PCDH7: variants seen among roughly 807,000 people sequenced by gnomAD.
PCDH7 encodes the protein protocadherin 7.
PCDH7 carries 17 observed loss-of-function variants against 58.9 expected under a neutral mutation model. That is an observed-to-expected ratio of 0.29 (90% CI 0.20 to 0.43). The LOEUF is 0.43. Among genes scored for constraint, PCDH7 ranks in the 20% least tolerant of loss-of-function variants. The pLI is 1.00. For synonymous variants in PCDH7, 664 were observed against 616.4 expected (o/e 1.08, Z -1.14); for missense variants, 1,274 against 1,441.0 (o/e 0.88, Z 1.88).
chr4:31,103,492 G>A (rs760125420), intron 3 of PCDH7, among the ~76,000 whole-genome samples: 6 of 151,840 alleles, frequency 4.0e-5, no homozygotes, highest in Non-Finnish European at 7.4e-5. Context: ...ATGCCACCAA[G>A]GCTAGCCAAT....
intron 1 of PCDH7, among the ~76,000 whole-genome samples, chr4:30,873,031 T>C (rs1175977350): frequency 6.6e-6 from 1 of 152,148 alleles, no homozygotes; most frequent in Non-Finnish European, 1.5e-5. Flanking sequence ...TTATTTTTGC[T>C]GAATTTATGT....
intron 3 of PCDH7, among the ~76,000 whole-genome samples, chr4:31,115,104 T>G (rs1220502304): frequency 6.6e-6 from 1 of 152,168 alleles, no homozygotes; most frequent in African/African-American, 2.4e-5. Flanking sequence ...TTTCGCTTAC[T>G]GAAAATCTAC....
At chr4:30,746,550 T>C (rs1717804151) in intron 1 of PCDH7, among the ~76,000 whole-genome samples, 1 of 152,208 alleles carries the variant, frequency 6.6e-6, no homozygotes, top group Non-Finnish European at 1.5e-5. Context: ...GTCTTTATTT[T>C]TGGTGGCTAT....
chr4:31,013,345 C>A (rs1392070235), intron 3 of PCDH7, among the ~76,000 whole-genome samples: 1 of 137,662 alleles, frequency 7.3e-6, no homozygotes, highest in South Asian at 2.7e-4. Context: ...TACTATATAT[C>A]TGTGTATGTA....
At chr4:30,876,128 G>T (rs958223256) in intron 1 of PCDH7, among the ~76,000 whole-genome samples, 1 of 151,960 alleles carries the variant, frequency 6.6e-6, no homozygotes, top group Middle Eastern at 3.2e-3. Flanking sequence ...CCTAATTCCT[G>T]GCCACTCACA....
intron 1 of PCDH7, among the ~76,000 whole-genome samples, chr4:30,751,620 T>C (rs1191263831): frequency 6.6e-6 from 1 of 151,922 alleles, no homozygotes; most frequent in Non-Finnish European, 1.5e-5. Context: ...AATATGAGTA[T>C]ATATATATAT....
At chr4:31,020,889 G>A (rs1245396732) in intron 3 of PCDH7, among the ~76,000 whole-genome samples, 1 of 152,142 alleles carries the variant, frequency 6.6e-6, no homozygotes, top group African/African-American at 2.4e-5. Flanking sequence ...CTGATTGTGT[G>A]TAAAGATTCT....
chr4:30,957,861 A>C (rs895969139), intron 3 of PCDH7, among the ~76,000 whole-genome samples: 2 of 152,146 alleles, frequency 1.3e-5, no homozygotes, highest in Non-Finnish European at 2.9e-5. Flanking sequence ...AATTTGCTTT[A>C]CTGCTAACTC....
chr4:30,865,317 T>G (rs140904993), intron 1 of PCDH7, among the ~76,000 whole-genome samples: 33 of 152,226 alleles, frequency 2.2e-4, no homozygotes, highest in Non-Finnish European at 4.1e-4. Flanking sequence ...ATTGTAGTGT[T>G]CAGGAGAGTG....
At chr4:31,045,945 T>C (rs1332190001) in intron 3 of PCDH7, among the ~76,000 whole-genome samples, 3 of 152,048 alleles carry the variant, frequency 2.0e-5, no homozygotes, top group African/African-American at 7.2e-5. Flanking sequence ...CTGTTTTATA[T>C]ACTGTATAAT....
At chr4:31,022,682 C>G (rs1201997293) in intron 3 of PCDH7, among the ~76,000 whole-genome samples, 4 of 151,994 alleles carry the variant, frequency 2.6e-5, no homozygotes, top group Non-Finnish European at 5.9e-5. Context: ...TTCAGTTTTT[C>G]CATAGAAAAA....
At chr4:30,811,775 G>A (rs547051400) in intron 1 of PCDH7, among the ~76,000 whole-genome samples, 40 of 152,174 alleles carry the variant, frequency 2.6e-4, no homozygotes, top group Non-Finnish European at 4.7e-4. Context: ...AGGCAAAAGA[G>A]CCTAGGGGCC....
In PCDH7 at chr4:31,119,498, CAGA is replaced by C. The variant is rs145691338; in HGVS notation, c.*8-22969_*8-22967del. Reference sequence around the variant, plus strand: ...AAGAATTTGACTCAGGGGCATAAGGCAGAAGAAGTGACTGAGACAAGTTTTAGA... The same window carrying C: ...AAGAATTTGACTCAGGGGCATAAGGCAGAAGTGACTGAGACAAGTTTTAGA... On this transcript the variant is annotated intron_variant, in intron 3 of 3. Transcript: ENST00000509759. 8.3e-3 allele frequency among the ~76,000 whole-genome samples: 1,259 copies of C among 152,134 alleles called. 16 individuals are homozygous for C. The highest frequency in any genetic ancestry group is 0.029 in the African/African-American group (1,203 of 41,496).
At chr4:31,095,170 G>C (rs1011172951) in intron 3 of PCDH7, among the ~76,000 whole-genome samples, 1 of 151,308 alleles carries the variant, frequency 6.6e-6, no homozygotes, top group Admixed American at 6.6e-5. Context: ...GCACCATTTT[G>C]TTTCCTTTTA....
intron 1 of PCDH7, among the ~76,000 whole-genome samples, chr4:30,909,985 C>G (rs767075963): frequency 2.0e-5 from 3 of 152,026 alleles, no homozygotes; most frequent in African/African-American, 7.3e-5. Context: ...AATATGTAGA[C>G]CAATGGAACA....
intron 3 of PCDH7, among the ~76,000 whole-genome samples, chr4:30,962,776 TAAAAA>T (rs57257786): frequency 1.1e-4 from 8 of 70,622 alleles, no homozygotes; most frequent in South Asian, 5.4e-4. Flanking sequence ...GACCCAGTCT[TAAAAA>T]AAAAAAAAAA....
intron 1 of PCDH7, among the ~76,000 whole-genome samples, chr4:30,838,720 G>T (rs1577999632): frequency 1.3e-5 from 2 of 152,082 alleles, no homozygotes; most frequent in African/African-American, 4.8e-5. Flanking sequence ...CATCCTGGAA[G>T]TGGAAAGAAC....
intron 1 of PCDH7, among the ~76,000 whole-genome samples, chr4:30,769,443 C>T (rs1276377205): frequency 2.0e-5 from 3 of 152,168 alleles, no homozygotes; most frequent in African/African-American, 2.4e-5. Flanking sequence ...TATATTTATC[C>T]GATAAGCCTC....
chr4:30,977,128 C>A (rs1750141423), intron 3 of PCDH7, among the ~76,000 whole-genome samples: 1 of 152,054 alleles, frequency 6.6e-6, no homozygotes, highest in African/African-American at 2.4e-5. Context: ...CTTTAAAAGC[C>A]TTCTATATAC....
Sources: allele counts gnomAD v4.1 joint callset (sites outside exome capture counted in the v4.1 genomes callset), GRCh38; gene constraint gnomAD v4.1.1; transcripts MANE v1.5; gene names NCBI Gene and HGNC (gene_info 2026-07-23, HGNC 2026-07-21).